Variants in ZNF778 observed in about 807,000 individuals in gnomAD.
ZNF778 encodes the protein zinc finger protein 778.
Under a neutral mutation model 23.9 loss-of-function variants are expected in ZNF778, and 37 were observed. The ratio of observed to expected loss-of-function variants is 1.54; its 90% CI spans 1.19 to 2.03. The LOEUF (loss-of-function observed/expected upper bound fraction) is 2.03, where lower values mean the gene tolerates loss of function less well. Among genes scored for constraint, ZNF778 ranks in the 30% most tolerant of loss-of-function variants. ZNF778 has a pLI of 0.00. For missense variants in ZNF778, 1,297 were observed against 934.4 expected (o/e 1.39, Z -5.06); for synonymous variants, 483 against 343.9 (o/e 1.40, Z -4.48).
chr16:89,234,692 T>G lies in ZNF778; in HGVS notation c.*6130T>G, dbSNP rs2032188126. 6.5e-6 allele frequency: 1 copy of G among 154,118 alleles called. No individual in the cohort carries two copies. The highest frequency in any genetic ancestry group is 2.0e-4 in the South Asian group (1 of 4,954). The allele number at this position is 154,118 out of a possible 1,614,324, so 9.5% of individuals were successfully genotyped here. On this transcript the variant is annotated 3_prime_UTR_variant, in exon 7 of 7. Coordinates refer to ENST00000433976, the MANE Select transcript of ZNF778 (RefSeq NM_001201407.2). ...CAACACTTTGGGAGGCCGAGGTGGG[T>G]GGATCACAAGGTCAGGAGATCAAGA...
In ZNF778 at chr16:89,232,524, A is replaced by G. The variant is rs114403320; in HGVS notation, c.*3962A>G. 1.0e-3 allele frequency: 772 copies of G among 753,930 alleles called. 8 individuals carry two copies. In the African/African-American group the frequency reaches 0.013, roughly 12 times the overall value. The allele number at this position is 753,930 out of a possible 1,614,324, so 46.7% of individuals were successfully genotyped here. A position where few individuals can be genotyped will look rare whatever the true frequency, so the allele number is the denominator to read the frequency against. On this transcript the variant is annotated 3_prime_UTR_variant, in exon 7 of 7. Coordinates refer to ENST00000433976, the MANE Select transcript of ZNF778 (RefSeq NM_001201407.2). The stretch of plus-strand genomic sequence containing the variant: ...CTGTATTTCTCTTCCTAACTCTCAG[A>G]ACGTGTTCTGTGTCACTTAGGGCAA...
chr16:89,233,907 T>C lies in ZNF778; in HGVS notation c.*5345T>C. 7.8e-7 allele frequency: 1 copy of C among 1,289,540 alleles called. No homozygotes were observed. Among genetic ancestry groups the C allele is most frequent in the South Asian group, 1.2e-5 (1 of 81,030 alleles). The allele number at this position is 1,289,540 out of a possible 1,614,324, so 79.9% of individuals were successfully genotyped here. On this transcript the variant is annotated 3_prime_UTR_variant, in exon 7 of 7. Coordinates refer to ENST00000433976, the MANE Select transcript of ZNF778 (RefSeq NM_001201407.2). ...TCTCCTCCCTGAAGTCAGCCCAGGA[T>C]GAGGCACTAGACAGCAGGACATGCT...
rs187771477 is a variant in ZNF778, at chr16:89,236,382, C to T, written c.*7820C>T. On this transcript the variant is annotated 3_prime_UTR_variant, in exon 7 of 7. Transcript: ENST00000433976. The stretch of plus-strand genomic sequence containing the variant: ...CAAGTTCTGAAATAAAAAGAAATGC[C>T]AACCCAGATTGCTATATCCAACAAA... The T allele has an allele frequency of 4.6e-5, 7 of 152,208 alleles. No individual in the cohort carries two copies. The highest frequency in any genetic ancestry group is 1.0e-4 in the Non-Finnish European group (7 of 68,004). The allele number at this position is 152,208 out of a possible 1,614,324, so 9.4% of individuals were successfully genotyped here.
Position 89,222,189 on chromosome 16 carries a change from C to T in ZNF778, c.117+6C>T. On this transcript the variant is annotated splice_donor_region_variant and intron_variant, in intron 3 of 6. Coordinates refer to ENST00000433976, the MANE Select transcript of ZNF778 (RefSeq NM_001201407.2). Reference sequence around the variant, plus strand: ...GGCTGATAAATTGTTACCAGGTATGCCAAAACTGTATTTTTTCTTAAAATA... The same window carrying T: ...GGCTGATAAATTGTTACCAGGTATGTCAAAACTGTATTTTTTCTTAAAATA... 1 of 1,591,494 alleles carries T rather than the reference C, an allele frequency of 6.3e-7. No homozygotes were observed. Among genetic ancestry groups the T allele is most frequent in the Non-Finnish European group, 8.6e-7 (1 of 1,166,676 alleles).
In ZNF778 at chr16:89,232,694, G is replaced by T. The variant is rs999866705; in HGVS notation, c.*4132G>T. 1.6e-6 allele frequency: 2 copies of T among 1,261,168 alleles called. No individual in the cohort carries two copies. Among genetic ancestry groups the T allele is most frequent in the African/African-American group, 3.1e-5 (2 of 65,484 alleles). 78.1% of individuals were successfully genotyped at this position (1,261,168 alleles called of 1,614,324 possible). On this transcript the variant is annotated 3_prime_UTR_variant, in exon 7 of 7. Coordinates refer to ENST00000433976, the MANE Select transcript of ZNF778 (RefSeq NM_001201407.2). ...TTTCATCCTGGGGTCTTGCTGTGGG[G>T]GCTAGACCGTCCCTCTCAGGCTAGA...
Position 89,229,140 on chromosome 16 carries a change from T to C in ZNF778, c.*578T>C. The C allele has an allele frequency of 3.0e-6, 3 of 986,150 alleles. No homozygotes were observed. The highest frequency in any genetic ancestry group is 3.6e-6 in the Non-Finnish European group (3 of 830,510). 61.1% of individuals were successfully genotyped at this position (986,150 alleles called of 1,614,324 possible). A position where few individuals can be genotyped will look rare whatever the true frequency, so the allele number is the denominator to read the frequency against. On this transcript the variant is annotated 3_prime_UTR_variant, in exon 7 of 7. Transcript: ENST00000433976. ...TGTAGAAATCCTCCAGTCTGGTTGC[T>C]ACAGTGTCCACGTCGCAGCCTGGCT... is the stretch of plus-strand genomic sequence containing the variant.
chr16:89,236,323 C>T lies in ZNF778; in HGVS notation c.*7761C>T, dbSNP rs2032235658. 6.6e-6 allele frequency: 1 copy of T among 152,118 alleles called. No individual in the cohort carries two copies. The highest frequency in any genetic ancestry group is 2.1e-4 in the South Asian group (1 of 4,824). 9.4% of individuals were successfully genotyped at this position (152,118 alleles called of 1,614,324 possible). A position where few individuals can be genotyped will look rare whatever the true frequency, so the allele number is the denominator to read the frequency against. Reference sequence around the variant, plus strand: ...ATTGACCGGGTTTCTCGTCGGAAGCCATAGAGGCCAACAGGAAATGTAGGA... The same window carrying T: ...ATTGACCGGGTTTCTCGTCGGAAGCTATAGAGGCCAACAGGAAATGTAGGA... On this transcript the variant is annotated 3_prime_UTR_variant, in exon 7 of 7. Coordinates refer to ENST00000433976, the MANE Select transcript of ZNF778 (RefSeq NM_001201407.2).
chr16:89,228,193 C>T lies in ZNF778; in HGVS notation c.1905C>T (p.His635=), dbSNP rs374418651. 21 of 1,613,340 alleles carry T rather than the reference C, an allele frequency of 1.3e-5. No individual in the cohort carries two copies. The African/African-American group carries it at 2.7e-4, about 21-fold the overall frequency. Residue 635 remains histidine, a synonymous_variant, in exon 7 of 7, where the codon CAC becomes CAT. Coordinates refer to ENST00000433976, the MANE Select transcript of ZNF778 (RefSeq NM_001201407.2). ...AFTTSSHLIV[H]IRTHTGEKPY... is the part of the protein sequence containing the mutation. ...CCACATCCTCACACCTTATCGTGCA[C>T]ATAAGAACCCACACCGGTGAGAAAC...
At chr16:89,220,587 G>A (rs1027236952) in intron 1 of ZNF778, among the ~76,000 whole-genome samples, 9 of 152,308 alleles carry the variant, frequency 5.9e-5, no homozygotes, top group African/African-American at 1.9e-4. Context: ...GAACCTGGGA[G>A]GCAGAGGTTG....
rs779223515 is a variant in ZNF778 at position 89,233,598 on chromosome 16, T to C, written c.*5036T>C. 8 of 1,129,272 alleles carry C rather than the reference T, an allele frequency of 7.1e-6. No homozygotes were observed. Among genetic ancestry groups the C allele is most frequent in the Non-Finnish European group, 8.1e-6 (7 of 865,220 alleles). The allele number at this position is 1,129,272 out of a possible 1,614,324, so 70.0% of individuals were successfully genotyped here. ...CACTGCATATGCAACGCAACTCAAC[T>C]CATACTGCATATGCAACTCAACTCA... On this transcript the variant is annotated 3_prime_UTR_variant, in exon 7 of 7. Transcript: ENST00000433976.
At chr16:89,218,587 C>T (rs1160978647) in intron 1 of ZNF778, among the ~76,000 whole-genome samples, 2 of 146,338 alleles carry the variant, frequency 1.4e-5, no homozygotes, top group Non-Finnish European at 3.0e-5. Context: ...GTCAGGAGAC[C>T]GACACCATCC....
chr16:89,227,831 A>G lies in ZNF778; in HGVS notation c.1543A>G (p.Thr515Ala), dbSNP rs2031634676. The G allele has an allele frequency of 5.0e-6, 8 of 1,614,110 alleles. No individual in the cohort carries two copies. The highest frequency in any genetic ancestry group is 6.8e-6 in the Non-Finnish European group (8 of 1,180,008). ...YECKQCGKAF[T>A]GRSGLTKHMR... ...ATGTAAGCAGTGTGGCAAAGCCTTC[A>G]CAGGGCGCTCAGGCCTCACTAAACA... The change falls in exon 7 of 7, where the codon ACA (threonine) becomes GCA (alanine). Residue 515 changes from threonine (T) to alanine (A), a missense_variant. Coordinates refer to ENST00000433976, the MANE Select transcript of ZNF778 (RefSeq NM_001201407.2).
intron 2 of ZNF778, 45 bp downstream of exon 2, chr16:89,221,197 C>G (rs1436344928): frequency 6.9e-7 from 1 of 1,445,888 alleles, no homozygotes; most frequent in East Asian, 2.7e-5. Flanking sequence ...GCTCTAGGTC[C>G]TGATACACAG....
intron 1 of ZNF778, among the ~76,000 whole-genome samples, chr16:89,218,632 A>G (rs1432724098): frequency 3.3e-5 from 5 of 151,732 alleles, no homozygotes; most frequent in Non-Finnish European, 7.4e-5. Context: ...TCTACTAAAA[A>G]TACAAAAAAT....
At chr16:89,226,560 A>G (rs535544610) in intron 6 of ZNF778, 134 bp from the exon 7 acceptor site, 8 of 721,616 alleles carry the variant, frequency 1.1e-5, no homozygotes, top group Middle Eastern at 2.6e-4. Flanking sequence ...AGACATCTAC[A>G]GGGCAGGAGC....
rs1567516758 is a variant in ZNF778 at position 89,233,751 on chromosome 16, A to ATTCGCACTGCGTATGCAACTCAG, written c.*5189_*5190insTTCGCACTGCGTATGCAACTCAG. The ATTCGCACTGCGTATGCAACTCAG allele has an allele frequency of 8.8e-7, 1 of 1,136,896 alleles. No individual in the cohort carries two copies. The highest frequency in any genetic ancestry group is 2.4e-5 in the African/African-American group (1 of 42,096). 70.4% of individuals were successfully genotyped at this position (1,136,896 alleles called of 1,614,324 possible). A position where few individuals can be genotyped will look rare whatever the true frequency, so the allele number is the denominator to read the frequency against. On this transcript the variant is annotated 3_prime_UTR_variant, in exon 7 of 7. Coordinates refer to ENST00000433976, the MANE Select transcript of ZNF778 (RefSeq NM_001201407.2). ...CAACTCGCACTGCATATGCAACTCA[A>ATTCGCACTGCGTATGCAACTCAG]CTCGCACTGCGTATGCAACTCAACT...
In ZNF778 at chr16:89,227,977, T is replaced by G; in HGVS notation, c.1689T>G (p.Cys563Trp). The G allele has an allele frequency of 1.3e-6, 2 of 1,590,042 alleles. No individual in the cohort carries two copies. The highest frequency in any genetic ancestry group is 1.7e-6 in the Non-Finnish European group (2 of 1,165,136). Reference sequence around the variant, plus strand: ...ACACAGAGGAGAAGCCCTTTATATGTACGGTATGCAGGAAATCCTTCAGAA... The same window carrying G: ...ACACAGAGGAGAAGCCCTTTATATGGACGGTATGCAGGAAATCCTTCAGAA... Reference protein sequence around the residue: ...KTHTEEKPFICTVCRKSFRNS... With the variant: ...KTHTEEKPFIWTVCRKSFRNS... The change falls in exon 7 of 7, where the codon TGT becomes TGG. Residue 563 changes from cysteine to tryptophan, a missense_variant. By Grantham distance (215) the Cys-to-Trp change is radical (BLOSUM62 -2). Coordinates refer to ENST00000433976, the MANE Select transcript of ZNF778 (RefSeq NM_001201407.2).
In ZNF778 at chr16:89,220,988, G is replaced by T; in HGVS notation, c.-131-9G>T. 1 of 853,076 alleles carries T rather than the reference G, an allele frequency of 1.2e-6. No homozygotes were observed. The highest frequency in any genetic ancestry group is 1.8e-6 in the Non-Finnish European group (1 of 543,054). 52.8% of individuals were successfully genotyped at this position (853,076 alleles called of 1,614,324 possible). The stretch of plus-strand genomic sequence containing the variant: ...CTGGGAAGTAATGCTTCTTCATCAT[G>T]ATTGCTAGGAAATAGGGATCCAGCC... On this transcript the variant is annotated splice_polypyrimidine_tract_variant and intron_variant, in intron 1 of 6. Coordinates refer to ENST00000433976, the MANE Select transcript of ZNF778 (RefSeq NM_001201407.2).
intron 4 of ZNF778, 33 bp from the exon 5 acceptor site, chr16:89,224,686 C>G: frequency 1.3e-6 from 2 of 1,482,638 alleles, no homozygotes; most frequent in Non-Finnish European, 1.8e-6. Context: ...CTGCCTGAGC[C>G]TCTTCCATCG....
Sources: allele counts gnomAD v4.1 joint callset (sites outside exome capture counted in the v4.1 genomes callset), GRCh38; gene constraint gnomAD v4.1.1; transcripts MANE v1.5; gene names NCBI Gene and HGNC (gene_info 2026-07-23, HGNC 2026-07-21).